The following SYT14 variants were observed in gnomAD, a reference collection of about 807,000 sequenced individuals.
SYT14 encodes synaptotagmin 14, also known as synaptotagmin-14.
Under a neutral mutation model 74.2 loss-of-function variants are expected in SYT14, and 32 were observed. The observed-to-expected ratio is 0.43, with a 90% confidence interval of 0.33 to 0.58. The LOEUF is 0.58. Ranked by LOEUF, SYT14 falls within the 20% of genes least tolerant of loss-of-function variation. The probability of loss-of-function intolerance (pLI) is 0.05; values close to 1 mark genes in which losing one functional copy is unlikely to be tolerated. For missense variants in SYT14, 791 were observed against 981.8 expected (o/e 0.81, Z 2.60); for synonymous variants, 298 against 337.7 (o/e 0.88, Z 1.29).
At chr1:210,016,605 A>G in exon 4 of SYT14, 1 of 1,231,984 alleles carries the variant, frequency 8.1e-7, no homozygotes, top group South Asian at 4.1e-5. Context: ...AAAGGAAATC[A>G]GAAGAATGCC....
At chr1:210,028,214 C>G (rs1055331658) in intron 5 of SYT14, among the ~76,000 whole-genome samples, 1 of 146,142 alleles carries the variant, frequency 6.8e-6, no homozygotes, top group African/African-American at 2.5e-5. Context: ...CAAGATTCAT[C>G]CATGTTGTAG....
chr1:210,002,204 T>C (rs1291941558), intron 2 of SYT14, among the ~76,000 whole-genome samples: 3 of 152,178 alleles, frequency 2.0e-5, no homozygotes, highest in Non-Finnish European at 4.4e-5. Flanking sequence ...CAAGCACCTA[T>C]GTAACCAGAA....
intron 2 of SYT14, among the ~76,000 whole-genome samples, chr1:209,977,886 T>C (rs1331154489): frequency 6.6e-6 from 1 of 152,234 alleles, no homozygotes; most frequent in Non-Finnish European, 1.5e-5. Context: ...CCCATATTTC[T>C]TGGAGGCTTT....
At chr1:209,990,548 T>TACACACATATATATATAC (rs59238920) in intron 2 of SYT14, among the ~76,000 whole-genome samples, 2 of 68,050 alleles carry the variant, frequency 2.9e-5, no homozygotes, top group Non-Finnish European at 7.7e-5. Context: ...CGTATATATA[T>TACACACATATATATATAC]GTATATATAT....
At chr1:210,030,185 A>C (rs1033138358) in intron 5 of SYT14, among the ~76,000 whole-genome samples, 4 of 151,834 alleles carry the variant, frequency 2.6e-5, no homozygotes, top group African/African-American at 9.7e-5. Flanking sequence ...TCTATTGCCC[A>C]GGCTGGAGTG....
chr1:210,120,680 G>A (rs948120056), intron 7 of SYT14, among the ~76,000 whole-genome samples: 1 of 152,000 alleles, frequency 6.6e-6, no homozygotes, highest in Admixed American at 6.6e-5. Flanking sequence ...TTCTCAGACC[G>A]TTTCTGTGTC....
intron 4 of SYT14, among the ~76,000 whole-genome samples, chr1:210,018,641 T>C (rs1001761494): frequency 3.3e-4 from 51 of 152,350 alleles, no homozygotes; most frequent in African/African-American, 1.2e-3. Flanking sequence ...AAATTTGTTT[T>C]CATTAAGAAG....
At chr1:209,980,766 A>G (rs778168616) in intron 2 of SYT14, among the ~76,000 whole-genome samples, 15 of 151,946 alleles carry the variant, frequency 9.9e-5, no homozygotes, top group Non-Finnish European at 1.8e-4. Flanking sequence ...GTAGGTGTGC[A>G]GTCTTATTTC....
intron 5 of SYT14, among the ~76,000 whole-genome samples, chr1:210,081,300 A>T (rs899534651): frequency 1.3e-5 from 2 of 152,296 alleles, no homozygotes; most frequent in African/African-American, 2.4e-5. Flanking sequence ...TGTCCCTGGA[A>T]CCGGAGCAAG....
chr1:210,121,610 T>C (rs187761064), intron 7 of SYT14, among the ~76,000 whole-genome samples: 3,772 of 152,040 alleles, frequency 0.025, 58 homozygotes, highest in African/African-American at 0.031. Flanking sequence ...CTGGCTAACA[T>C]GGTGAAACTC....
intron 7 of SYT14, among the ~76,000 whole-genome samples, chr1:210,151,726 ACAC>A (rs2083168364): frequency 6.6e-6 from 1 of 152,136 alleles, no homozygotes; most frequent in Non-Finnish European, 1.5e-5. Flanking sequence ...TGTTATGTAA[ACAC>A]CACTATATTT....
chr1:210,073,653 A>G (rs1572252383), intron 5 of SYT14, among the ~76,000 whole-genome samples: 1 of 151,998 alleles, frequency 6.6e-6, no homozygotes. Flanking sequence ...TAGTCCATGT[A>G]TGTTTTACAG....
chr1:209,978,641 A>AC (rs1470667970), intron 2 of SYT14, among the ~76,000 whole-genome samples: 2 of 152,068 alleles, frequency 1.3e-5, no homozygotes, highest in South Asian at 2.1e-4. Context: ...CAGTAAGGCT[A>AC]CCCAGGGGTC....
At chr1:210,056,659 C>CAAAAAAAAAAAAAAAAAAAA (rs1196789715) in intron 5 of SYT14, among the ~76,000 whole-genome samples, 9 of 79,366 alleles carry the variant, frequency 1.1e-4, no homozygotes, top group Admixed American at 1.5e-4. Flanking sequence ...ACTAAAAATA[C>CAAAAAAAAAAAAAAAAAAAA]AAAAAAAAAA....
At chr1:210,064,435 C>T (rs558753793) in intron 5 of SYT14, among the ~76,000 whole-genome samples, 2 of 152,048 alleles carry the variant, frequency 1.3e-5, no homozygotes, top group African/African-American at 4.8e-5. Flanking sequence ...ATTTCCTCTA[C>T]CCCTTAGTCC....
At chr1:210,152,259 C>A (rs191727591) in intron 7 of SYT14, among the ~76,000 whole-genome samples, 1 of 152,236 alleles carries the variant, frequency 6.6e-6, no homozygotes, top group East Asian at 1.9e-4. Flanking sequence ...GGAGATTTTA[C>A]CCTTCTGTAT....
intron 5 of SYT14, among the ~76,000 whole-genome samples, chr1:210,032,413 C>G (rs1485137750): frequency 6.6e-6 from 1 of 151,978 alleles, no homozygotes; most frequent in Non-Finnish European, 1.5e-5. Context: ...CACCAGGTAT[C>G]TCTTACTCTC....
At chr1:210,033,225 A>G (rs1041201159) in intron 5 of SYT14, among the ~76,000 whole-genome samples, 1 of 151,902 alleles carries the variant, frequency 6.6e-6, no homozygotes, top group African/African-American at 2.4e-5. Context: ...GGGATAGACC[A>G]TGAGAGTTGA....
At chr1:210,171,163 G>A (rs553330586) in exon 10 of SYT14, 1 of 152,164 alleles carries the variant, frequency 6.6e-6, no homozygotes, top group South Asian at 2.1e-4. Context: ...CTGGAGTTTA[G>A]ATATTTTTCA....
Sources: allele counts gnomAD v4.1 joint callset (sites outside exome capture counted in the v4.1 genomes callset), GRCh38; gene constraint gnomAD v4.1.1; transcripts MANE v1.5; gene names NCBI Gene and HGNC (gene_info 2026-07-23, HGNC 2026-07-21).